The following DPP10 variants were observed in gnomAD, a reference collection of about 807,000 sequenced individuals.
DPP10 encodes the protein dipeptidyl peptidase like 10, also known as inactive dipeptidyl peptidase 10.
Under a neutral mutation model 120.9 loss-of-function variants are expected in DPP10, and 33 were observed. That is an observed-to-expected ratio of 0.27 (90% CI 0.21 to 0.37). DPP10 has a LOEUF of 0.37. Ranked by LOEUF, DPP10 falls within the 10% of genes least tolerant of loss-of-function variation. The pLI, the probability that DPP10 is intolerant of heterozygous loss-of-function variation, is 1.00. For missense variants in DPP10, 816 were observed against 942.8 expected (o/e 0.87, Z 1.76); for synonymous variants, 337 against 326.1 (o/e 1.03, Z -0.36).
At chr2:115,784,160 A>G (rs1417987579) in intron 17 of DPP10, among the ~76,000 whole-genome samples, 1 of 152,226 alleles carries the variant, frequency 6.6e-6, no homozygotes, top group African/African-American at 2.4e-5. Flanking sequence ...AAACAAAAAA[A>G]GGCTGTGAAT....
At chr2:115,383,751 A>G (rs2066623436) in intron 3 of DPP10, among the ~76,000 whole-genome samples, 1 of 152,108 alleles carries the variant, frequency 6.6e-6, no homozygotes, top group African/African-American at 2.4e-5. Context: ...TTTGATTTTT[A>G]ATGTGTATCT....
At chr2:115,639,173 C>T (rs1478538449) in intron 5 of DPP10, among the ~76,000 whole-genome samples, 1 of 152,158 alleles carries the variant, frequency 6.6e-6, no homozygotes, top group African/African-American at 2.4e-5. Context: ...CTGGGTACCC[C>T]TCTACGTATC....
chr2:115,475,537 C>T (rs1183210595), intron 3 of DPP10, among the ~76,000 whole-genome samples: 1 of 152,194 alleles, frequency 6.6e-6, no homozygotes, highest in Non-Finnish European at 1.5e-5. Flanking sequence ...TTGGAGTCCC[C>T]ACACAGAATC....
chr2:114,761,346 T>C (rs1680265584), intron 1 of DPP10, among the ~76,000 whole-genome samples: 1 of 152,210 alleles, frequency 6.6e-6, no homozygotes, highest in Admixed American at 6.5e-5. Flanking sequence ...CTATAAAGTC[T>C]GAGTCTTATG....
chr2:115,422,415 A>G (rs1457878369), intron 3 of DPP10, among the ~76,000 whole-genome samples: 1 of 152,178 alleles, frequency 6.6e-6, no homozygotes, highest in African/African-American at 2.4e-5. Context: ...CTGTGTGGCT[A>G]TGCCAGTAGC....
chr2:115,661,517 A>T (rs931081891), intron 5 of DPP10, among the ~76,000 whole-genome samples: 1 of 152,200 alleles, frequency 6.6e-6, no homozygotes, highest in Non-Finnish European at 1.5e-5. Flanking sequence ...TTGTGAGTGA[A>T]GTTCCTAGCA....
At chr2:114,758,201 A>G (rs1221296507) in intron 1 of DPP10, among the ~76,000 whole-genome samples, 1 of 152,240 alleles carries the variant, frequency 6.6e-6, no homozygotes. Flanking sequence ...CAGTTAAAGC[A>G]GTTTTCAGTT....
chr2:114,736,792 A>T lies in DPP10; in HGVS notation c.60+293954A>T, dbSNP rs534948872. On this transcript the variant is annotated intron_variant, in intron 1 of 25. Transcript: ENST00000410059. ...TTGTAGTTTGTCTGTGTTCATGATC[A>T]CCTGGATGTTTTGCATGGTATAGAT... is the stretch of plus-strand genomic sequence containing the variant. 7.2e-5 allele frequency among the ~76,000 whole-genome samples: 11 copies of T among 152,328 alleles called. No homozygotes were observed. The South Asian group carries it at 2.1e-3, about 29-fold the overall frequency.
At chr2:114,980,747 T>TCCCA (rs1413675314) in intron 1 of DPP10, among the ~76,000 whole-genome samples, 1 of 151,708 alleles carries the variant, frequency 6.6e-6, no homozygotes, top group Non-Finnish European at 1.5e-5. Flanking sequence ...TAATGATACC[T>TCCCA]CCCAGAGCGC....
intron 1 of DPP10, among the ~76,000 whole-genome samples, chr2:114,902,087 C>A (rs1291628435): frequency 6.6e-6 from 1 of 152,184 alleles, no homozygotes; most frequent in African/African-American, 2.4e-5. Context: ...GTTTCACTGG[C>A]AAGTCCTTCT....
At chr2:114,464,461 T>C (rs909875350) in intron 1 of DPP10, among the ~76,000 whole-genome samples, 2 of 152,188 alleles carry the variant, frequency 1.3e-5, no homozygotes, top group African/African-American at 4.8e-5. Flanking sequence ...TTATTGTTGA[T>C]TTGTAAGAGG....
chr2:115,525,825 T>C, intron 4 of DPP10, 73 bp from the exon 5 acceptor site: 2 of 1,155,056 alleles, frequency 1.7e-6, no homozygotes, highest in Non-Finnish European at 2.4e-6. Context: ...AAATTGATTT[T>C]TTTTTACATT....
chr2:115,790,054 A>G (rs913799646), intron 17 of DPP10, among the ~76,000 whole-genome samples: 2 of 148,108 alleles, frequency 1.4e-5, no homozygotes, highest in Middle Eastern at 3.5e-3. Context: ...GAATGTATAT[A>G]TATGGATTAG....
chr2:114,980,190 T>C (rs1329060550), intron 1 of DPP10, among the ~76,000 whole-genome samples: 1 of 152,154 alleles, frequency 6.6e-6, no homozygotes, highest in Non-Finnish European at 1.5e-5. Context: ...GTGAAATGTC[T>C]ATTATTTTTC....
At chr2:115,619,569 G>A (rs537466726) in intron 5 of DPP10, among the ~76,000 whole-genome samples, 1 of 152,230 alleles carries the variant, frequency 6.6e-6, no homozygotes, top group South Asian at 2.1e-4. Flanking sequence ...TTCCTGACTA[G>A]GCCAAGTGGT....
At chr2:114,967,080 G>C (rs911493773) in intron 1 of DPP10, among the ~76,000 whole-genome samples, 2 of 152,038 alleles carry the variant, frequency 1.3e-5, no homozygotes, top group African/African-American at 4.8e-5. Flanking sequence ...AGAGACAAGA[G>C]AGAAAGTGGA....
At chr2:114,528,010 A>T (rs569488436) in intron 1 of DPP10, among the ~76,000 whole-genome samples, 2 of 152,296 alleles carry the variant, frequency 1.3e-5, no homozygotes, top group South Asian at 4.1e-4. Context: ...CAATAAAGAG[A>T]TAGAACCTTC....
chr2:115,434,789 C>T (rs934598145), intron 3 of DPP10, among the ~76,000 whole-genome samples: 5 of 151,368 alleles, frequency 3.3e-5, no homozygotes, highest in Admixed American at 6.6e-5. Context: ...TCCTTCTGTC[C>T]GCATTTTTGT....
At chr2:114,831,159 ATG>A (rs1687084400) in intron 1 of DPP10, among the ~76,000 whole-genome samples, 1 of 150,088 alleles carries the variant, frequency 6.7e-6, no homozygotes, top group Admixed American at 6.8e-5. Context: ...GGGAAATAAA[ATG>A]TATTAATGTT....
Sources: gnomAD v4.1 joint callset for allele counts (sites outside exome capture counted in the v4.1 genomes callset) on GRCh38, gnomAD v4.1.1 for gene constraint, MANE v1.5 for transcripts, NCBI Gene and HGNC (gene_info 2026-07-23, HGNC 2026-07-21) for gene names.